Variants in RGS6 observed in about 807,000 individuals in gnomAD.
The protein encoded by RGS6 is regulator of G-protein signaling 6.
In RGS6, 30 loss-of-function variants were observed where a neutral mutation model predicts 78.5. That is an observed-to-expected ratio of 0.38 (90% CI 0.29 to 0.52). RGS6 has a LOEUF of 0.52. Among genes scored for constraint, RGS6 ranks in the 20% least tolerant of loss-of-function variants. RGS6 has a pLI of 0.85. For synonymous variants in RGS6, 206 were observed against 206.0 expected, an observed-to-expected ratio of 1.00 and a Z score of 0.00; for missense variants, 495 against 609.7, an observed-to-expected ratio of 0.81 and a Z score of 1.98.
At chr14:71,982,019 G>T (rs1375846174) in intron 2 of RGS6, among the ~76,000 whole-genome samples, 1 of 151,666 alleles carries the variant, frequency 6.6e-6, no homozygotes, top group Non-Finnish European at 1.5e-5. Flanking sequence ...TCGGAAAAGC[G>T]CAGTATTCGG....
chr14:71,897,212 C>A, the RGS6 span, among the ~76,000 whole-genome samples: 1 of 152,206 alleles, frequency 6.6e-6, no homozygotes, highest in Non-Finnish European at 1.5e-5. Flanking sequence ...TTCTGGCTAT[C>A]TGCCAGCAAG....
intron 2 of RGS6, among the ~76,000 whole-genome samples, chr14:72,078,058 G>T (rs1012253410): frequency 6.6e-6 from 1 of 152,110 alleles, no homozygotes; most frequent in Non-Finnish European, 1.5e-5. Flanking sequence ...TCTCATGTCC[G>T]ATCGTGGTCC....
At chr14:72,297,620 T>C (rs1238318423) in intron 2 of RGS6, among the ~76,000 whole-genome samples, 1 of 125,092 alleles carries the variant, frequency 8.0e-6, no homozygotes, top group Non-Finnish European at 1.6e-5. Flanking sequence ...TTCCCCTTCA[T>C]GTGTCCAGGT....
intron 13 of RGS6, among the ~76,000 whole-genome samples, chr14:72,509,257 C>T (rs150407076): frequency 2.6e-5 from 4 of 151,142 alleles, no homozygotes; most frequent in Admixed American, 6.6e-5. Flanking sequence ...CCCCGCTATT[C>T]GGGAGGCTGA....
rs544111436 is a variant in RGS6 at position 72,324,625 on chromosome 14, G to A, written c.85-27470G>A. On this transcript the variant is annotated intron_variant, in intron 2 of 17. Coordinates refer to ENST00000553525, the MANE Select transcript of RGS6 (RefSeq NM_001204424.2). ...GCGGTGTTTGGTTTTCTGTCCTTGC[G>A]ATAGTTTGCTGAGAATGATGGTTTC... is the stretch of plus-strand genomic sequence containing the variant. Among the ~76,000 whole-genome samples, 18 of 152,126 alleles carry A rather than the reference G, an allele frequency of 1.2e-4. No homozygotes were observed. The East Asian group carries it at 2.5e-3, about 21-fold the overall frequency.
chr14:71,977,175 T>G (rs1398270193), intron 2 of RGS6, among the ~76,000 whole-genome samples: 3 of 105,400 alleles, frequency 2.8e-5, no homozygotes, highest in African/African-American at 1.0e-4. Flanking sequence ...CTTTGTCAGA[T>G]GAGTAGGTTG....
At chr14:71,907,165 A>G in the RGS6 span, among the ~76,000 whole-genome samples, 432 of 152,344 alleles carry the variant, frequency 2.8e-3, 2 homozygotes, top group African/African-American at 9.8e-3. Flanking sequence ...TCATGAGGCT[A>G]CGGTCCAGAG....
At position 72,356,749 on chromosome 14, in the gene RGS6, C is replaced by T. The variant is rs539290239; in HGVS notation, c.184+4555C>T. Among the ~76,000 whole-genome samples the T allele has an allele frequency of 3.3e-5, 5 of 152,306 alleles. No individual in the cohort carries two copies. In the South Asian group the frequency reaches 1.0e-3, roughly 32 times the overall value. ...TGATGATTTCATAAGGGGCTTTTCC[C>T]TGTCTTTGCTCTGCACTTCTCCTTG... On this transcript the variant is annotated intron_variant, in intron 3 of 17. Transcript: ENST00000553525.
At chr14:72,053,513 C>T (rs1292946355) in intron 2 of RGS6, among the ~76,000 whole-genome samples, 2 of 152,152 alleles carry the variant, frequency 1.3e-5, no homozygotes, top group African/African-American at 4.8e-5. Context: ...TCCTACCCTC[C>T]AGATTCTGAT....
the RGS6 span, among the ~76,000 whole-genome samples, chr14:72,590,022 C>G: frequency 6.6e-6 from 1 of 152,100 alleles, no homozygotes; most frequent in Admixed American, 6.5e-5. Context: ...AGGCAAATGG[C>G]CAGTAACACA....
At chr14:72,306,973 A>T (rs1285900675) in intron 2 of RGS6, among the ~76,000 whole-genome samples, 1 of 152,228 alleles carries the variant, frequency 6.6e-6, no homozygotes, top group Non-Finnish European at 1.5e-5. Context: ...TGCATGCTAC[A>T]GAGACTTATT....
chr14:71,987,515 C>G (rs1271464607), intron 2 of RGS6, among the ~76,000 whole-genome samples: 2 of 152,136 alleles, frequency 1.3e-5, no homozygotes, highest in African/African-American at 2.4e-5. Flanking sequence ...CTATTTGTCT[C>G]TAATTATTTT....
chr14:72,038,424 A>C (rs2092011971), intron 2 of RGS6, among the ~76,000 whole-genome samples: 1 of 152,204 alleles, frequency 6.6e-6, no homozygotes, highest in Admixed American at 6.5e-5. Flanking sequence ...AGTTCTACCT[A>C]CAAAAATCTT....
At chr14:71,927,122 G>T in the RGS6 span, among the ~76,000 whole-genome samples, 2 of 152,156 alleles carry the variant, frequency 1.3e-5, no homozygotes, top group African/African-American at 4.8e-5. Context: ...AAAGAAGCTC[G>T]GTCCAAACAA....
At chr14:72,615,734 T>C in the RGS6 span, among the ~76,000 whole-genome samples, 1 of 152,234 alleles carries the variant, frequency 6.6e-6, no homozygotes, top group Non-Finnish European at 1.5e-5. Context: ...TGGCTCCTGC[T>C]TCAGGGGCGA....
At chr14:72,159,021 T>C (rs75357751) in intron 2 of RGS6, among the ~76,000 whole-genome samples, 45 of 152,342 alleles carry the variant, frequency 3.0e-4, no homozygotes, top group African/African-American at 1.1e-3. Context: ...AGCTAATACC[T>C]AATATAGTGC....
chr14:72,245,733 G>C (rs531977641), intron 2 of RGS6, among the ~76,000 whole-genome samples: 3 of 152,296 alleles, frequency 2.0e-5, no homozygotes, highest in South Asian at 4.1e-4. Flanking sequence ...CCAGAGTTTG[G>C]GGGGGCTTGC....
chr14:72,350,078 G>A (rs61995111), intron 2 of RGS6, among the ~76,000 whole-genome samples: 3 of 152,220 alleles, frequency 2.0e-5, no homozygotes, highest in African/African-American at 7.2e-5. Flanking sequence ...TAACTGAGAT[G>A]ATTAACATGA....
rs149315404 is a variant in RGS6 at position 72,497,249 on chromosome 14, T to C, written c.965+1987T>C. 3.5e-4 allele frequency among the ~76,000 whole-genome samples: 54 copies of C among 152,320 alleles called. 2 individuals carry two copies. The East Asian group carries it at 9.4e-3, about 27-fold the overall frequency. ...CCCCACATTCTTACCATCCCAAGCA[T>C]CATCAATCATTTTGTCTTTGCAAAT... On this transcript the variant is annotated intron_variant, in intron 13 of 17. Coordinates refer to ENST00000553525, the MANE Select transcript of RGS6 (RefSeq NM_001204424.2).
Sources: gnomAD v4.1 joint callset for allele counts (sites outside exome capture counted in the v4.1 genomes callset) on GRCh38, gnomAD v4.1.1 for gene constraint, MANE v1.5 for transcripts, NCBI Gene and HGNC (gene_info 2026-07-23, HGNC 2026-07-21) for gene names.